ACOXL: variants seen among roughly 807,000 people sequenced by gnomAD.
ACOXL encodes acyl-coenzyme A oxidase-like protein.
A neutral mutation model predicts 71.9 loss-of-function variants in ACOXL; 70 were observed. The ratio of observed to expected loss-of-function variants is 0.97; its 90% CI spans 0.80 to 1.19. The LOEUF is 1.19. Among genes scored for constraint, ACOXL ranks in the 50% most tolerant of loss-of-function variants. The probability of loss-of-function intolerance (pLI) is 0.00; values close to 1 mark genes in which losing one functional copy is unlikely to be tolerated. For missense variants in ACOXL, 703 were observed against 736.3 expected, an observed-to-expected ratio of 0.95 and a Z score of 0.52; for synonymous variants, 253 against 281.6, an observed-to-expected ratio of 0.90 and a Z score of 1.02.
At chr2:110,825,750 C>T (rs1216414856) in intron 9 of ACOXL, among the ~76,000 whole-genome samples, 1 of 152,150 alleles carries the variant, frequency 6.6e-6, no homozygotes, top group Non-Finnish European at 1.5e-5. Context: ...TGTCCTTGTA[C>T]CCCATGCAAT....
At chr2:110,846,857 C>T (rs918605668) in intron 10 of ACOXL, among the ~76,000 whole-genome samples, 12 of 152,000 alleles carry the variant, frequency 7.9e-5, no homozygotes. Flanking sequence ...GGTCAGGAAG[C>T]AGAGAAAGAA....
chr2:111,097,999 A>G (rs1483446856), intron 17 of ACOXL, among the ~76,000 whole-genome samples: 1 of 152,214 alleles, frequency 6.6e-6, no homozygotes, highest in Non-Finnish European at 1.5e-5. Flanking sequence ...TTATTTTACA[A>G]TGGAGAAACC....
At chr2:110,770,024 C>T (rs1189642518) in intron 2 of ACOXL, among the ~76,000 whole-genome samples, 1 of 151,986 alleles carries the variant, frequency 6.6e-6, no homozygotes, top group Non-Finnish European at 1.5e-5. Context: ...CCTGGGCAAC[C>T]GGAGTGAGAC....
chr2:110,873,128 G>C (rs1008591775), intron 10 of ACOXL, among the ~76,000 whole-genome samples: 15 of 152,208 alleles, frequency 9.9e-5, no homozygotes, highest in Admixed American at 8.5e-4. Context: ...TCCCTGAAGA[G>C]GGTGACAAAA....
At position 110,803,967 on chromosome 2, in the gene ACOXL, C is replaced by T. The variant is rs1686310567; in HGVS notation, c.621-1296C>T. On this transcript the variant is annotated intron_variant, in intron 8 of 17. Transcript: ENST00000439055. ...AATCAAAACCACTGTGAATACCACT[C>T]TGCACCTACTAGGATGTCTTTTTTT... is the stretch of plus-strand genomic sequence containing the variant. Among the ~76,000 whole-genome samples the T allele has an allele frequency of 2.0e-5, 3 of 151,326 alleles. No homozygotes were observed. The South Asian group carries it at 6.3e-4, about 32-fold the overall frequency.
intron 12 of ACOXL, among the ~76,000 whole-genome samples, chr2:110,962,491 C>T (rs887786167): frequency 1.3e-5 from 2 of 152,202 alleles, no homozygotes; most frequent in African/African-American, 4.8e-5. Context: ...GTGGTAACAC[C>T]GCCCAGTCAG....
intron 3 of ACOXL, among the ~76,000 whole-genome samples, chr2:110,789,346 G>T (rs747036437): frequency 1.3e-5 from 2 of 152,200 alleles, no homozygotes; most frequent in Admixed American, 6.5e-5. Flanking sequence ...CTCCATGGCT[G>T]TTCTATTTTG....
At chr2:110,951,998 A>C (rs1334896136) in intron 12 of ACOXL, among the ~76,000 whole-genome samples, 1 of 152,184 alleles carries the variant, frequency 6.6e-6, no homozygotes, top group Non-Finnish European at 1.5e-5. Flanking sequence ...ACTCTCATTA[A>C]ATGACTTGAG....
chr2:110,770,769 A>G (rs563947146), intron 2 of ACOXL, among the ~76,000 whole-genome samples: 1 of 152,344 alleles, frequency 6.6e-6, no homozygotes, highest in South Asian at 2.1e-4. Flanking sequence ...TTGGAAGGTG[A>G]AATCTTGGCC....
intron 10 of ACOXL, among the ~76,000 whole-genome samples, chr2:110,874,110 C>T (rs2149055833): frequency 6.6e-6 from 1 of 152,332 alleles, no homozygotes; most frequent in Non-Finnish European, 1.5e-5. Flanking sequence ...CGCTGCTTGC[C>T]TTGGGAGAGA....
chr2:110,771,864 C>CCTT (rs1207026448), intron 2 of ACOXL, among the ~76,000 whole-genome samples: 1 of 152,308 alleles, frequency 6.6e-6, no homozygotes, highest in African/African-American at 2.4e-5. Context: ...GATGCAGAGA[C>CCTT]CTTCTGTCTC....
intron 14 of ACOXL, among the ~76,000 whole-genome samples, chr2:111,029,057 C>A (rs78788253): frequency 6.9e-4 from 105 of 152,326 alleles, no homozygotes; most frequent in African/African-American, 2.2e-3. Flanking sequence ...AAATGAAGAT[C>A]TTAATAAAAT....
intron 16 of ACOXL, 144 bp from the exon 17 acceptor site, chr2:111,092,721 A>G (rs1482534805): frequency 8.2e-6 from 5 of 611,368 alleles, no homozygotes; most frequent in Admixed American, 3.1e-5. Flanking sequence ...CATCCAAAAC[A>G]TGGCCATTTT....
chr2:110,766,753 G>A (rs761161499), intron 1 of ACOXL, among the ~76,000 whole-genome samples: 3 of 152,122 alleles, frequency 2.0e-5, no homozygotes. Flanking sequence ...GATTTACCTC[G>A]CATCTTCTTG....
Position 110,987,201 on chromosome 2 carries a change from GA to G in ACOXL, c.1154del (p.Asp385AlafsTer3). The G allele has an allele frequency of 6.4e-7, 1 of 1,573,224 alleles. No individual in the cohort carries two copies. Among genetic ancestry groups the G allele is most frequent in the East Asian group, 2.3e-5 (1 of 43,460 alleles). ...LLQNWAESVG[D>X]KLRTSFLAFN... ...CCAAAACTGGGCTGAATCTGTGGGG[GA>G]CAAGCTGAGAACCAGGTACGTATTA... On this transcript the variant is annotated frameshift_variant, in exon 13 of 18. Coordinates refer to ENST00000439055, the MANE Select transcript of ACOXL (RefSeq NM_001142807.4). LOFTEE classifies it high-confidence loss of function.
At chr2:110,869,452 G>T (rs781143821) in intron 10 of ACOXL, among the ~76,000 whole-genome samples, 1 of 152,158 alleles carries the variant, frequency 6.6e-6, no homozygotes, top group Non-Finnish European at 1.5e-5. Flanking sequence ...CCTTCTGTTT[G>T]GAGGCTCACT....
intron 14 of ACOXL, among the ~76,000 whole-genome samples, chr2:111,027,501 T>C (rs764879536): frequency 6.6e-6 from 1 of 151,898 alleles, no homozygotes; most frequent in Non-Finnish European, 1.5e-5. Flanking sequence ...TTTGTATTTT[T>C]GGTAGAGACA....
intron 3 of ACOXL, among the ~76,000 whole-genome samples, chr2:110,787,466 G>A (rs1236513519): frequency 2.7e-5 from 4 of 150,444 alleles, no homozygotes; most frequent in Non-Finnish European, 4.4e-5. Context: ...CCCGGGAGGC[G>A]GAGCTTGCAG....
At chr2:110,993,165 A>G (rs1410281123) in intron 13 of ACOXL, among the ~76,000 whole-genome samples, 1 of 152,226 alleles carries the variant, frequency 6.6e-6, no homozygotes, top group Non-Finnish European at 1.5e-5. Flanking sequence ...TGTTGAATTT[A>G]CGTACAATAA....
Sources: allele counts gnomAD v4.1 joint callset (sites outside exome capture counted in the v4.1 genomes callset), GRCh38; gene constraint gnomAD v4.1.1; transcripts MANE v1.5; gene names NCBI Gene and HGNC (gene_info 2026-07-23, HGNC 2026-07-21).